Variants in MED13L observed in about 807,000 individuals in gnomAD.
MED13L encodes mediator complex subunit 13L.
Under a neutral mutation model 220.9 loss-of-function variants are expected in MED13L, and 7 were observed. The observed-to-expected ratio is 0.03, with a 90% CI of 0.02 to 0.06. The LOEUF (loss-of-function observed/expected upper bound fraction) is 0.06. Among genes scored for constraint, MED13L ranks in the 10% least tolerant of loss-of-function variants. The pLI, the probability that MED13L is intolerant of heterozygous loss-of-function variation, is 1.00. For synonymous variants in MED13L, 1,011 were observed against 1,015.2 expected (o/e 1.00, Z 0.08); for missense variants, 1,965 against 2,760.5 (o/e 0.71, Z 6.46).
chr12:116,015,997 T>C (rs1159146337), intron 7 of MED13L, among the ~76,000 whole-genome samples: 1 of 152,226 alleles, frequency 6.6e-6, no homozygotes, highest in Non-Finnish European at 1.5e-5. Flanking sequence ...CTTTCAACTA[T>C]GTTCATTATG....
chr12:116,123,778 A>C (rs577934356), intron 2 of MED13L, among the ~76,000 whole-genome samples: 76 of 152,260 alleles, frequency 5.0e-4, no homozygotes, highest in African/African-American at 1.8e-3. Flanking sequence ...TCTTGCTACA[A>C]TAATCTTAAA....
intron 2 of MED13L, among the ~76,000 whole-genome samples, chr12:116,151,684 C>T (rs187579315): frequency 6.6e-6 from 1 of 152,264 alleles, no homozygotes; most frequent in East Asian, 1.9e-4. Context: ...TAAAATGATG[C>T]CATCTGTCTA....
intron 2 of MED13L, among the ~76,000 whole-genome samples, chr12:116,212,621 C>T (rs540840833): frequency 6.6e-6 from 1 of 152,240 alleles, no homozygotes; most frequent in African/African-American, 2.4e-5. Context: ...TCCAACCTAA[C>T]ACGGTATTAA....
intron 2 of MED13L, among the ~76,000 whole-genome samples, chr12:116,144,582 C>T (rs1418484782): frequency 6.6e-6 from 1 of 152,126 alleles, no homozygotes; most frequent in Non-Finnish European, 1.5e-5. Context: ...TAATAGCTGA[C>T]CTACTGTAGT....
At position 116,058,692 on chromosome 12, in the gene MED13L, C is replaced by T. The variant is rs1238371053; in HGVS notation, c.480-36091G>A. On this transcript the variant is annotated intron_variant, in intron 4 of 30. Transcript: ENST00000281928. ...ATAAGTGTTCCCAGAAAGAGAATAC[C>T]AGTCAATGGGGAAAGCTGAATTAAA... Among the ~76,000 whole-genome samples, 3 of 152,196 alleles carry T rather than the reference C, an allele frequency of 2.0e-5. No homozygotes were observed. In the East Asian group the frequency reaches 5.8e-4, roughly 29 times the overall value.
chr12:116,197,704 G>C (rs1881724096), intron 2 of MED13L, among the ~76,000 whole-genome samples: 1 of 151,894 alleles, frequency 6.6e-6, no homozygotes, highest in Non-Finnish European at 1.5e-5. Flanking sequence ...TTCGGAGGTT[G>C]TGGTGAGCAG....
rs781053726 is a variant in MED13L at position 116,277,035 on chromosome 12, C to G, written c.72+25G>C. ...ACCCCCCCCCTTCCCCGGCACAGCC[C>G]CCTCCCCGCAGCCCGGCTACTCACC... On this transcript the variant is annotated intron_variant, in intron 1 of 30. Transcript: ENST00000281928. 1.9e-6 allele frequency: 3 copies of G among 1,560,222 alleles called. No homozygotes were observed. The South Asian group carries it at 3.5e-5, about 18-fold the overall frequency.
chr12:116,118,050 C>G (rs550090681), intron 2 of MED13L, among the ~76,000 whole-genome samples: 1 of 152,294 alleles, frequency 6.6e-6, no homozygotes, highest in South Asian at 2.1e-4. Flanking sequence ...CTCAAGTGAT[C>G]CTTCTGCCTC....
intron 2 of MED13L, among the ~76,000 whole-genome samples, chr12:116,129,754 C>CA (rs1305981020): frequency 5.3e-5 from 8 of 152,010 alleles, no homozygotes; most frequent in Admixed American, 5.2e-4. Context: ...ACTAAAAATA[C>CA]AAAAATTAGC....
intron 8 of MED13L, among the ~76,000 whole-genome samples, chr12:116,013,190 T>C (rs1315708901): frequency 1.3e-5 from 2 of 152,118 alleles, no homozygotes; most frequent in South Asian, 2.1e-4. Context: ...CTGGGCAACA[T>C]GGCAAAACCC....
intron 2 of MED13L, among the ~76,000 whole-genome samples, chr12:116,156,402 T>TAAAAAA (rs11366103): frequency 2.5e-5 from 3 of 119,446 alleles, no homozygotes; most frequent in Non-Finnish European, 3.5e-5. Flanking sequence ...TCCAATTACT[T>TAAAAAA]AAAAAAAAAA....
At chr12:115,982,873 T>G (rs930360812) in intron 21 of MED13L, among the ~76,000 whole-genome samples, 1 of 152,342 alleles carries the variant, frequency 6.6e-6, no homozygotes, top group Non-Finnish European at 1.5e-5. Flanking sequence ...TACAAAGTTG[T>G]TACTAATTAA....
intron 4 of MED13L, among the ~76,000 whole-genome samples, chr12:116,076,214 G>A (rs574025064): frequency 2.6e-5 from 4 of 152,234 alleles, no homozygotes; most frequent in East Asian, 1.9e-4. Context: ...AAAATCCTTG[G>A]CAGGGGACAC....
Position 115,976,030 on chromosome 12 carries a change from A to G in MED13L, c.5365-292T>C, listed in dbSNP as rs78938873. 6.4e-3 allele frequency among the ~76,000 whole-genome samples: 979 copies of G among 152,336 alleles called. 4 individuals carry two copies. The highest frequency in any genetic ancestry group is 9.9e-3 in the Non-Finnish European group (674 of 68,032). ...TCATTAGTTGTTAGGCAAGTGGGAAATTGAAACTACAATGAGATAATGCTA... is the reference window on the plus strand; with the variant it reads ...TCATTAGTTGTTAGGCAAGTGGGAAGTTGAAACTACAATGAGATAATGCTA... On this transcript the variant is annotated intron_variant, in intron 23 of 30. Transcript: ENST00000281928.
At chr12:116,103,708 A>C (rs1873291220) in intron 3 of MED13L, among the ~76,000 whole-genome samples, 1 of 152,240 alleles carries the variant, frequency 6.6e-6, no homozygotes, top group Non-Finnish European at 1.5e-5. Flanking sequence ...TTACAAATAG[A>C]CATGTGCTTT....
chr12:116,260,331 A>ATCAAAAGGT (rs1446290661), intron 1 of MED13L, among the ~76,000 whole-genome samples: 1 of 152,204 alleles, frequency 6.6e-6, no homozygotes, highest in Non-Finnish European at 1.5e-5. Context: ...AGGAGATTAC[A>ATCAAAAGGT]TCAAAAGGTT....
At chr12:116,016,472 T>G (rs1879731739) in intron 7 of MED13L, among the ~76,000 whole-genome samples, 1 of 152,204 alleles carries the variant, frequency 6.6e-6, no homozygotes, top group South Asian at 2.1e-4. Context: ...CAATTGCTTT[T>G]CAAACACCAA....
rs887554975 is a variant in MED13L, at chr12:116,136,524, A to C, written c.311-25012T>G. Among the ~76,000 whole-genome samples, 4 of 152,168 alleles carry C rather than the reference A, an allele frequency of 2.6e-5. No individual in the cohort carries two copies. In the South Asian group the frequency reaches 8.3e-4, roughly 32 times the overall value. On this transcript the variant is annotated intron_variant, in intron 2 of 30. Coordinates refer to ENST00000281928, the MANE Select transcript of MED13L (RefSeq NM_015335.5). The stretch of plus-strand genomic sequence containing the variant: ...AATGAAGCCACAGTAAGTTATGCTA[A>C]AGTTTTACAGCATTTCAAACAAGAG...
Position 116,277,074 on chromosome 12 carries a change from T to C in MED13L, c.58A>G (p.Asn20Asp), listed in dbSNP as rs1873927885. The C allele has an allele frequency of 6.3e-7, 1 of 1,592,318 alleles. No individual in the cohort carries two copies. Among genetic ancestry groups the C allele is most frequent in the African/African-American group, 1.3e-5 (1 of 74,394 alleles). Reference protein sequence around the residue: ...NGASLEDCHSNLFSLAELTGI... With the variant: ...NGASLEDCHSDLFSLAELTGI... ...CGGCTACTCACCAGCGAAAAGAGGT[T>C]GGAGTGACAATCCTCCAGGCTCGCC... Residue 20 changes from asparagine to aspartate, a missense_variant, in exon 1 of 31, where the codon AAC becomes GAC. Around this residue, in one of 10 missense-constraint regions of MED13L, gnomAD observed 818 missense variants for 1,041.2 expected, o/e 0.79. Transcript: ENST00000281928.
Sources: allele counts gnomAD v4.1 joint callset (sites outside exome capture counted in the v4.1 genomes callset), GRCh38; gene constraint gnomAD v4.1.1; regional missense constraint gnomAD v4.1.1; transcripts MANE v1.5; gene names NCBI Gene and HGNC (gene_info 2026-07-23, HGNC 2026-07-21).